Variants in TBC1D14 observed in about 807,000 individuals in gnomAD.
TBC1D14 encodes TBC1 domain family member 14.
In TBC1D14, 26 loss-of-function variants were observed where a neutral mutation model predicts 79.0. That is an observed-to-expected ratio of 0.33 (90% CI 0.24 to 0.46). The LOEUF (loss-of-function observed/expected upper bound fraction) is 0.46. Among genes scored for constraint, TBC1D14 ranks in the 20% least tolerant of loss-of-function variants. The probability of loss-of-function intolerance (pLI) is 1.00; values close to 1 mark genes in which losing one functional copy is unlikely to be tolerated. For synonymous variants in TBC1D14, 394 were observed against 349.9 expected (o/e 1.13, Z -1.40); for missense variants, 769 against 887.6 (o/e 0.87, Z 1.70).
In TBC1D14 at chr4:7,031,486, C is replaced by T. The variant is rs1723035540; in HGVS notation, c.*1094C>T. On this transcript the variant is annotated 3_prime_UTR_variant, in exon 14 of 14. Transcript: ENST00000409757. Reference sequence around the variant, plus strand: ...TCGTCAGATGCTCATACTGGACCATCAGCCTCCCCATTTTAGCTGACTTTC... The same window carrying T: ...TCGTCAGATGCTCATACTGGACCATTAGCCTCCCCATTTTAGCTGACTTTC... 6.6e-6 allele frequency: 1 copy of T among 152,282 alleles called. No individual in the cohort carries two copies. Among genetic ancestry groups the T allele is most frequent in the Admixed American group, 6.5e-5 (1 of 15,294 alleles). 9.4% of individuals were successfully genotyped at this position (152,282 alleles called of 1,614,324 possible). A position where few individuals can be genotyped will look rare whatever the true frequency, so the allele number is the denominator to read the frequency against.
intron 3 of TBC1D14, among the ~76,000 whole-genome samples, chr4:6,968,175 A>G (rs1715874731): frequency 6.6e-6 from 1 of 152,068 alleles, no homozygotes; most frequent in African/African-American, 2.4e-5. Flanking sequence ...ATATTCATTG[A>G]CATTTGCTCA....
intron 2 of TBC1D14, among the ~76,000 whole-genome samples, chr4:6,925,791 C>G (rs13149923): frequency 0.09 from 13,753 of 152,144 alleles, 798 homozygotes; most frequent in Middle Eastern, 0.16. Flanking sequence ...ATTTGTGTGG[C>G]GGAACTTCCC....
chr4:6,925,198 C>T (rs1236394516), intron 2 of TBC1D14, among the ~76,000 whole-genome samples: 1 of 152,106 alleles, frequency 6.6e-6, no homozygotes, highest in African/African-American at 2.4e-5. Flanking sequence ...GAGGAGGAGG[C>T]AGAGGTTGCG....
chr4:6,913,223 G>C (rs1196110666), intron 1 of TBC1D14, among the ~76,000 whole-genome samples: 2 of 152,124 alleles, frequency 1.3e-5, no homozygotes, highest in Non-Finnish European at 2.9e-5. Context: ...TTGAACCCCT[G>C]ACTTCAGGTG....
chr4:7,017,028 C>T (rs891598921), intron 12 of TBC1D14, among the ~76,000 whole-genome samples: 3 of 152,182 alleles, frequency 2.0e-5, no homozygotes, highest in Admixed American at 6.5e-5. Context: ...GGGCGGGGTG[C>T]ACTAGCTCAC....
At chr4:6,988,122 T>C (rs1436784339) in intron 3 of TBC1D14, among the ~76,000 whole-genome samples, 21 of 152,074 alleles carry the variant, frequency 1.4e-4, no homozygotes, top group Admixed American at 1.4e-3. Flanking sequence ...TTCTTCCCCC[T>C]CAAAATGGCA....
Position 6,969,637 on chromosome 4 carries a change from C to A in TBC1D14, c.843+2213C>A, listed in dbSNP as rs1353577643. ...AGCCAGGATGGTCTCAATCTCCTGACCTTGTGATCCACCTGCCTCGGCCTC... is the reference window on the plus strand; with the variant it reads ...AGCCAGGATGGTCTCAATCTCCTGAACTTGTGATCCACCTGCCTCGGCCTC... On this transcript the variant is annotated intron_variant, in intron 3 of 13. Transcript: ENST00000409757. Among the ~76,000 whole-genome samples the A allele has an allele frequency of 2.0e-5, 3 of 152,054 alleles. 1 individual carries two copies. Among genetic ancestry groups the A allele is most frequent in the Admixed American group, 2.0e-4 (3 of 15,268 alleles).
chr4:7,008,445 T>A (rs1318142905), intron 9 of TBC1D14, among the ~76,000 whole-genome samples: 2 of 152,224 alleles, frequency 1.3e-5, no homozygotes, highest in Non-Finnish European at 2.9e-5. Flanking sequence ...AGAGTTTCGC[T>A]CTTGTTGCCC....
chr4:7,004,528 C>T (rs1480856692), intron 7 of TBC1D14, among the ~76,000 whole-genome samples: 1 of 152,214 alleles, frequency 6.6e-6, no homozygotes, highest in Non-Finnish European at 1.5e-5. Flanking sequence ...CACCGTCTTG[C>T]CCCAGGGATC....
chr4:6,920,055 C>T (rs373948826), intron 1 of TBC1D14, among the ~76,000 whole-genome samples: 14 of 152,086 alleles, frequency 9.2e-5, no homozygotes, highest in East Asian at 7.7e-4. Flanking sequence ...GCCGGGACTA[C>T]AGGTGTGCAC....
chr4:6,985,100 CTA>C (rs1368939441), intron 3 of TBC1D14, among the ~76,000 whole-genome samples: 3 of 152,202 alleles, frequency 2.0e-5, no homozygotes, highest in African/African-American at 7.2e-5. Flanking sequence ...TATTGTGCCT[CTA>C]TTTTTTAAAA....
At chr4:7,011,132 G>A (rs1720723175) in intron 11 of TBC1D14, among the ~76,000 whole-genome samples, 1 of 152,192 alleles carries the variant, frequency 6.6e-6, no homozygotes, top group Admixed American at 6.5e-5. Flanking sequence ...GCCCACGTTT[G>A]GGCCTGTTGG....
At chr4:6,956,822 G>A (rs1714686189) in intron 2 of TBC1D14, among the ~76,000 whole-genome samples, 1 of 152,236 alleles carries the variant, frequency 6.6e-6, no homozygotes, top group Non-Finnish European at 1.5e-5. Context: ...CTGTGGCCGG[G>A]CTCAGGTGTG....
At chr4:6,917,884 G>C (rs563527297) in intron 1 of TBC1D14, among the ~76,000 whole-genome samples, 1 of 152,172 alleles carries the variant, frequency 6.6e-6, no homozygotes, top group Admixed American at 6.5e-5. Flanking sequence ...GGCACGAGGC[G>C]GAAGTGCTTG....
intron 12 of TBC1D14, among the ~76,000 whole-genome samples, chr4:7,022,855 G>T (rs924968653): frequency 1.3e-5 from 2 of 151,984 alleles, no homozygotes; most frequent in East Asian, 1.9e-4. Context: ...ACAAACTTTA[G>T]TTCTTTGGGC....
At chr4:6,911,390 G>T (rs746450404) in intron 1 of TBC1D14, among the ~76,000 whole-genome samples, 1 of 152,236 alleles carries the variant, frequency 6.6e-6, no homozygotes, top group Non-Finnish European at 1.5e-5. Flanking sequence ...TCAGAGATGG[G>T]ATTCAAACTG....
chr4:7,021,237 A>G (rs1170784327), intron 12 of TBC1D14, among the ~76,000 whole-genome samples: 5 of 152,206 alleles, frequency 3.3e-5, no homozygotes, highest in African/African-American at 1.2e-4. Flanking sequence ...GGGGAAACAG[A>G]TACGCAGCTT....
chr4:6,973,914 C>T (rs1338829444), intron 3 of TBC1D14, among the ~76,000 whole-genome samples: 1 of 152,174 alleles, frequency 6.6e-6, no homozygotes. Flanking sequence ...ACCTCCACCT[C>T]CTGGGTTCAA....
chr4:7,028,691 C>T (rs189411589), intron 13 of TBC1D14, among the ~76,000 whole-genome samples: 1 of 152,268 alleles, frequency 6.6e-6, no homozygotes, highest in African/African-American at 2.4e-5. Flanking sequence ...TCCCAAAGTG[C>T]TGGGATTATA....
Sources: gnomAD v4.1 joint callset for allele counts (sites outside exome capture counted in the v4.1 genomes callset) on GRCh38, gnomAD v4.1.1 for gene constraint, MANE v1.5 for transcripts, NCBI Gene and HGNC (gene_info 2026-07-23, HGNC 2026-07-21) for gene names.